The following RHBDF1 variants were observed in gnomAD, a reference collection of about 807,000 sequenced individuals.
RHBDF1 encodes the protein inactive rhomboid protein 1.
Under a neutral mutation model 98.6 loss-of-function variants are expected in RHBDF1, and 80 were observed. That is an observed-to-expected ratio of 0.81 (90% CI 0.68 to 0.98). RHBDF1 has a LOEUF of 0.98. RHBDF1 is among the 50% of genes least tolerant of loss of function. RHBDF1 has a pLI of 0.00. For missense variants in RHBDF1, 1,116 were observed against 1,198.3 expected (o/e 0.93, Z 1.01); for synonymous variants, 512 against 486.8 (o/e 1.05, Z -0.68).
intron 1 of RHBDF1, among the ~76,000 whole-genome samples, chr16:69,862 C>T (rs1897924941): frequency 6.6e-6 from 1 of 152,166 alleles, no homozygotes; most frequent in African/African-American, 2.4e-5. Flanking sequence ...CACCCTGCCT[C>T]CCCTCATCAC....
chr16:71,741 C>CCCCTGCCCATT (rs1897974886), intron 1 of RHBDF1, among the ~76,000 whole-genome samples: 1 of 152,220 alleles, frequency 6.6e-6, no homozygotes, highest in Non-Finnish European at 1.5e-5. Context: ...CAGGGAAGAT[C>CCCCTGCCCATT]CCCTGCCCAT....
In RHBDF1 at chr16:62,992, GC is replaced by G. The variant is rs1897699289; in HGVS notation, c.652del (p.Ala218ArgfsTer5). 1 of 1,611,818 alleles carries G rather than the reference GC, an allele frequency of 6.2e-7. No individual in the cohort carries two copies. The highest frequency in any genetic ancestry group is 8.5e-7 in the Non-Finnish European group (1 of 1,179,304). On this transcript the variant is annotated frameshift_variant, in exon 5 of 18. Coordinates refer to ENST00000262316, the MANE Select transcript of RHBDF1 (RefSeq NM_022450.5). LOFTEE classifies it high-confidence loss of function. ...ACCCACTTTCATCAGCGCTGCGGCC[GC>G]CCGGAAGCTCATCTTGGCCACCGAC... is the stretch of plus-strand genomic sequence containing the variant. ...RESVAKMSFR[A>X]AAALMKGRSV...
At chr16:64,377 G>T (rs1009497720) in intron 3 of RHBDF1, 2 of 1,383,312 alleles carry the variant, frequency 1.4e-6, no homozygotes, top group African/African-American at 2.9e-5. Flanking sequence ...GGAAGGCCCT[G>T]CGGGCAGCCC....
At position 62,855 on chromosome 16, in the gene RHBDF1, G is replaced by A. The variant is rs145303880; in HGVS notation, c.715C>T (p.Arg239Ter). 12 of 1,613,920 alleles carry A rather than the reference G, an allele frequency of 7.4e-6. No individual in the cohort carries two copies. Among genetic ancestry groups the A allele is most frequent in the Non-Finnish European group, 1.0e-5 (12 of 1,179,984 alleles). ...AGAAAGCTAGCTGGAGTGAAGCTTC[G>A]ACGCTGTGCCCGGCGAAAGGTGCCA... ...RDGTFRRAQR[R>*]SFTPASFLEE... The change falls in exon 6 of 18, where the codon CGA becomes TGA. Residue 239 changes from arginine (R) to a stop codon, truncating the protein, a stop_gained. Transcript: ENST00000262316. LOFTEE classifies it high-confidence loss of function.
At position 60,471 on chromosome 16, in the gene RHBDF1, T is replaced by G; in HGVS notation, c.1626A>C (p.Arg542Ser). The G allele has an allele frequency of 6.2e-7, 1 of 1,612,136 alleles. No individual in the cohort carries two copies. The highest frequency in any genetic ancestry group is 1.1e-5 in the South Asian group (1 of 91,076). ...PSAPELAGHK[R>S]QFGSVCHQDP... ...CCTGGTGGCAGACAGAGCCAAACTGTCTCTTGTGGCCCGCAAGCTCTGGGG... is the reference window on the plus strand; with the variant it reads ...CCTGGTGGCAGACAGAGCCAAACTGGCTCTTGTGGCCCGCAAGCTCTGGGG... Residue 542 changes from arginine to serine, a missense_variant, in exon 12 of 18, where the codon AGA becomes AGC. Physicochemically the swap from Arg to Ser is moderately radical, Grantham distance 110. Coordinates refer to ENST00000262316, the MANE Select transcript of RHBDF1 (RefSeq NM_022450.5).
chr16:65,130 G>A, intron 1 of RHBDF1, 91 bp from the exon 2 acceptor site: 3 of 1,358,056 alleles, frequency 2.2e-6, no homozygotes, highest in Admixed American at 2.6e-5. Context: ...AAGCAGTGAT[G>A]AGCCCAACCG....
At position 62,815 on chromosome 16, in the gene RHBDF1, G is replaced by A. The variant is rs765428527; in HGVS notation, c.755C>T (p.Thr252Ile). The change falls in exon 6 of 18, where the codon ACT becomes ATT. Residue 252 changes from threonine to isoleucine, a missense_variant. Transcript: ENST00000262316. ...TPASFLEEDTTDFPDELDTSF... is the reference protein window; with the variant it reads ...TPASFLEEDTIDFPDELDTSF... The stretch of plus-strand genomic sequence containing the variant: ...TGTGTCCAGCTCATCGGGGAAATCA[G>A]TTGTGTCCTCCTCCAGAAAGCTAGC... The A allele has an allele frequency of 1.2e-6, 2 of 1,614,082 alleles. No homozygotes were observed. The highest frequency in any genetic ancestry group is 3.3e-5 in the Admixed American group (2 of 60,034).
At chr16:68,210 C>G (rs1215880769) in intron 1 of RHBDF1, among the ~76,000 whole-genome samples, 2 of 152,226 alleles carry the variant, frequency 1.3e-5, no homozygotes, top group African/African-American at 4.8e-5. Flanking sequence ...AGGAGGGGAC[C>G]TGAGAACCGA....
Position 60,540 on chromosome 16 carries a change from C to G in RHBDF1, c.1558-1G>C. 6.2e-7 allele frequency: 1 copy of G among 1,605,510 alleles called. No individual in the cohort carries two copies. Among genetic ancestry groups the G allele is most frequent in the Non-Finnish European group, 8.5e-7 (1 of 1,178,802 alleles). On this transcript the variant is annotated splice_acceptor_variant, in intron 11 of 17. Coordinates refer to ENST00000262316, the MANE Select transcript of RHBDF1 (RefSeq NM_022450.5). LOFTEE classifies it high-confidence loss of function. Reference sequence around the variant, plus strand: ...ACTTCACCCACACTGCCAGCGTGGACTGTGGGAGGGGGACACAGGGTCAGG... The same window carrying G: ...ACTTCACCCACACTGCCAGCGTGGAGTGTGGGAGGGGGACACAGGGTCAGG...
chr16:60,174 T>A (rs1431294489), intron 13 of RHBDF1, 42 bp downstream of exon 13: 7 of 1,613,622 alleles, frequency 4.3e-6, no homozygotes, highest in Admixed American at 1.7e-5. Context: ...CTCTCCCACA[T>A]GACACGGAGG....
At chr16:59,687 C>G in intron 14 of RHBDF1, 45 bp downstream of exon 14, 2 of 1,606,890 alleles carry the variant, frequency 1.2e-6, no homozygotes, top group Non-Finnish European at 1.7e-6. Context: ...TAGGGCGATG[C>G]TCTGAGCCCA....
chr16:59,194 G>T (rs1567111775), intron 16 of RHBDF1, 55 bp downstream of exon 16: 1 of 1,594,678 alleles, frequency 6.3e-7, no homozygotes, highest in East Asian at 2.2e-5. Context: ...GCCACCCCCA[G>T]CCAGCCAATC....
chr16:67,826 G>A (rs750570179), intron 1 of RHBDF1, among the ~76,000 whole-genome samples: 3 of 152,212 alleles, frequency 2.0e-5, no homozygotes, highest in East Asian at 1.9e-4. Context: ...CTGGGGTAAC[G>A]GAGGATTCCT....
At chr16:72,072 T>G (rs1897985215) in intron 1 of RHBDF1, among the ~76,000 whole-genome samples, 1 of 152,072 alleles carries the variant, frequency 6.6e-6, no homozygotes, top group African/African-American at 2.4e-5. Context: ...GAGTTTCAGC[T>G]CGGAGACACC....
chr16:61,492 C>T, intron 9 of RHBDF1, 33 bp from the exon 10 acceptor site: 1 of 1,612,162 alleles, frequency 6.2e-7, no homozygotes, highest in East Asian at 2.2e-5. Context: ...CAGACGGGCC[C>T]CGACTCTGGC....
In RHBDF1 at chr16:61,167, G is replaced by C; in HGVS notation, c.1510C>G (p.Arg504Gly). 1.3e-6 allele frequency: 2 copies of C among 1,539,958 alleles called. No individual in the cohort carries two copies. Among genetic ancestry groups the C allele is most frequent in the East Asian group, 4.9e-5 (2 of 40,832 alleles). Residue 504 changes from arginine to glycine, a missense_variant, in exon 11 of 18, where the codon CGC becomes GGC. By Grantham distance (125) the Arg-to-Gly change is moderately radical (BLOSUM62 -2). Coordinates refer to ENST00000262316, the MANE Select transcript of RHBDF1 (RefSeq NM_022450.5). ...TGCACGCAGCCCGACCTGTCGTTGC[G>C]CACGCAGCAGGCGGAGTGCTTCTCG... ...EREKHSACCV[R>G]NDRSGCVQTS...
chr16:62,927 G>A (rs201673662), intron 5 of RHBDF1, 30 bp from the exon 6 acceptor site: 119 of 1,612,874 alleles, frequency 7.4e-5, no homozygotes, highest in East Asian at 3.3e-4. Flanking sequence ...CATGAGACCC[G>A]GCTGCTGGGT....
chr16:70,995 G>A (rs1432022352), intron 1 of RHBDF1, among the ~76,000 whole-genome samples: 3 of 152,266 alleles, frequency 2.0e-5, no homozygotes, highest in Non-Finnish European at 2.9e-5. Flanking sequence ...GGGAACTGGA[G>A]CCGGTGTGGC....
At chr16:74,206 A>T (rs1898044917), upstream of RHBDF1, among the ~76,000 whole-genome samples, 1 of 150,586 alleles carries the variant, frequency 6.6e-6, no homozygotes, top group Admixed American at 6.6e-5. Flanking sequence ...GCTCACAGCC[A>T]GAGACAGGAC....
Sources: gnomAD v4.1 joint callset for allele counts (sites outside exome capture counted in the v4.1 genomes callset) on GRCh38, gnomAD v4.1.1 for gene constraint, MANE v1.5 for transcripts, NCBI Gene and HGNC (gene_info 2026-07-23, HGNC 2026-07-21) for gene names.